TENM3: variants seen among roughly 807,000 people sequenced by gnomAD.
TENM3 encodes teneurin-3.
Under a neutral mutation model 255.1 loss-of-function variants are expected in TENM3, and 63 were observed. The ratio of observed to expected loss-of-function variants is 0.25; its 90% CI spans 0.20 to 0.30. The LOEUF (loss-of-function observed/expected upper bound fraction) is 0.30. TENM3 is among the 10% of genes least tolerant of loss of function. The pLI, the probability that TENM3 is intolerant of heterozygous loss-of-function variation, is 1.00. For synonymous variants in TENM3, 1,306 were observed against 1,322.3 expected, an observed-to-expected ratio of 0.99 and a Z score of 0.27; for missense variants, 2,929 against 3,461.1, an observed-to-expected ratio of 0.85 and a Z score of 3.86.
At chr4:182,293,938 C>T (rs1761291849) in intron 1 of TENM3, among the ~76,000 whole-genome samples, 1 of 152,058 alleles carries the variant, frequency 6.6e-6, no homozygotes. Flanking sequence ...AACCCAAATG[C>T]CTCGACAATG....
the TENM3 span, among the ~76,000 whole-genome samples, chr4:181,683,230 G>A: frequency 2.0e-5 from 3 of 151,886 alleles, no homozygotes; most frequent in Non-Finnish European, 2.9e-5. Context: ...GTAAAACCTC[G>A]GAAATAGCTC....
chr4:182,468,406 C>G (rs1197523776), intron 3 of TENM3, among the ~76,000 whole-genome samples: 1 of 152,160 alleles, frequency 6.6e-6, no homozygotes, highest in African/African-American at 2.4e-5. Context: ...GACATGAGTC[C>G]TGATCTGTGC....
chr4:182,037,162 T>TG, the TENM3 span, among the ~76,000 whole-genome samples: 1 of 151,948 alleles, frequency 6.6e-6, no homozygotes, highest in Non-Finnish European at 1.5e-5. Flanking sequence ...TTTTTTTTTT[T>TG]TGTGACACGG....
the TENM3 span, among the ~76,000 whole-genome samples, chr4:181,459,444 C>T: frequency 6.6e-6 from 1 of 151,670 alleles, no homozygotes; most frequent in East Asian, 1.9e-4. Context: ...TAAAAATTTC[C>T]TCCTATATTG....
the TENM3 span, among the ~76,000 whole-genome samples, chr4:181,955,015 G>A: frequency 0.16 from 23,601 of 151,986 alleles, 2,184 homozygotes; most frequent in African/African-American, 0.25. Context: ...AAATTCAGTG[G>A]CCACATACGT....
chr4:182,784,588 C>T (rs1395682040), intron 24 of TENM3, among the ~76,000 whole-genome samples: 6 of 152,062 alleles, frequency 3.9e-5, no homozygotes, highest in East Asian at 1.9e-4. Context: ...CCACCCAGTT[C>T]GAGCTCCCCG....
the TENM3 span, among the ~76,000 whole-genome samples, chr4:182,084,588 C>G: frequency 1.3e-5 from 2 of 152,138 alleles, no homozygotes; most frequent in African/African-American, 4.8e-5. Flanking sequence ...CTTTATTGAA[C>G]CTTACTTGTT....
chr4:181,779,761 A>G, the TENM3 span, among the ~76,000 whole-genome samples: 1 of 152,066 alleles, frequency 6.6e-6, no homozygotes, highest in Non-Finnish European at 1.5e-5. Flanking sequence ...TACATTAGGT[A>G]TATCTCCTAA....
At chr4:182,675,909 A>G (rs72993426) in intron 7 of TENM3, among the ~76,000 whole-genome samples, 9,674 of 152,310 alleles carry the variant, frequency 0.064, 446 homozygotes, top group East Asian at 0.19. Context: ...AACACAATAC[A>G]TGTGATATCC....
the TENM3 span, among the ~76,000 whole-genome samples, chr4:181,474,322 A>AT: frequency 6.6e-6 from 1 of 152,088 alleles, no homozygotes; most frequent in East Asian, 1.9e-4. Context: ...ATGATAAAAA[A>AT]TTTTTTTTAA....
intron 1 of TENM3, among the ~76,000 whole-genome samples, chr4:182,317,204 T>C (rs1762798734): frequency 1.3e-5 from 2 of 152,150 alleles, no homozygotes; most frequent in Non-Finnish European, 2.9e-5. Flanking sequence ...TCACTATTCA[T>C]TATATTGATT....
At chr4:181,839,212 A>C in the TENM3 span, among the ~76,000 whole-genome samples, 12 of 149,616 alleles carry the variant, frequency 8.0e-5, no homozygotes, top group African/African-American at 2.9e-4. Flanking sequence ...TTAATATTTT[A>C]AGATAATTTT....
At chr4:182,588,362 G>T (rs943295873) in intron 3 of TENM3, among the ~76,000 whole-genome samples, 3 of 152,074 alleles carry the variant, frequency 2.0e-5, no homozygotes, top group African/African-American at 7.2e-5. Context: ...TATGTGATTT[G>T]CTTTCCTTAC....
the TENM3 span, among the ~76,000 whole-genome samples, chr4:182,118,273 T>G: frequency 7.2e-5 from 11 of 152,124 alleles, no homozygotes; most frequent in Non-Finnish European, 1.3e-4. Flanking sequence ...ATACATTTTA[T>G]TTGCCTTTCT....
the TENM3 span, among the ~76,000 whole-genome samples, chr4:181,728,410 ATTTC>A: frequency 6.6e-6 from 1 of 152,216 alleles, no homozygotes; most frequent in African/African-American, 2.4e-5. Context: ...ACTTACAGTT[ATTTC>A]TTGATTATAT....
the TENM3 span, among the ~76,000 whole-genome samples, chr4:181,745,821 A>G: frequency 6.6e-6 from 1 of 152,232 alleles, no homozygotes; most frequent in Non-Finnish European, 1.5e-5. Context: ...AACACCCAGA[A>G]GCACAAAAGG....
the TENM3 span, among the ~76,000 whole-genome samples, chr4:181,931,956 C>T: frequency 6.6e-6 from 1 of 152,170 alleles, no homozygotes; most frequent in Non-Finnish European, 1.5e-5. Context: ...GGAAAACTGG[C>T]TAGCCATATG....
At chr4:182,772,761 T>TAA (rs144645483) in intron 22 of TENM3, among the ~76,000 whole-genome samples, 3 of 148,148 alleles carry the variant, frequency 2.0e-5, no homozygotes, top group Middle Eastern at 3.5e-3. Flanking sequence ...AGTAAGTGTG[T>TAA]AAAAAAAAAA....
the TENM3 span, among the ~76,000 whole-genome samples, chr4:182,097,833 T>C: frequency 0.023 from 3,496 of 152,284 alleles, 136 homozygotes; most frequent in African/African-American, 0.079. Flanking sequence ...TAGGAATTCA[T>C]GCTATCTTCA....
Sources: allele counts gnomAD v4.1 joint callset (sites outside exome capture counted in the v4.1 genomes callset), GRCh38; gene constraint gnomAD v4.1.1; transcripts MANE v1.5; gene names NCBI Gene and HGNC (gene_info 2026-07-23, HGNC 2026-07-21).